The following TTN variants were observed in gnomAD, a reference collection of about 807,000 sequenced individuals.
TTN encodes the protein connectin.
TTN carries 1,525 observed loss-of-function variants against 3,223.0 expected under a neutral mutation model. The observed-to-expected ratio is 0.47, with a 90% CI of 0.45 to 0.49. The LOEUF (loss-of-function observed/expected upper bound fraction) is 0.49, where lower values mean the gene tolerates loss of function less well. TTN is among the 20% of genes least tolerant of loss of function. The pLI is 0.00. For synonymous variants in TTN, 14,094 were observed against 15,161.0 expected, an observed-to-expected ratio of 0.93 and a Z score of 5.17; for missense variants, 40,786 against 43,424.0, an observed-to-expected ratio of 0.94 and a Z score of 5.40.
chr2:178,767,844 ACTG>A lies in TTN; in HGVS notation c.9383_9385del (p.Thr3128_Val3129delinsMet). ...AGTTGACACGTTGCCTCCTGCCACC[ACTG>A]TGTACTTCCCAGCATCAGACATCCG... On this transcript the variant is annotated inframe_deletion, in exon 40 of 363. Transcript: ENST00000589042. 1 of 1,614,100 alleles carries A rather than the reference ACTG, an allele frequency of 6.2e-7. No homozygotes were observed. Among genetic ancestry groups the A allele is most frequent in the Non-Finnish European group, 8.5e-7 (1 of 1,180,016 alleles).
At position 178,549,823 on chromosome 2, in the gene TTN, A is replaced by G. The variant is rs1698609403; in HGVS notation, c.91899T>C (p.Thr30633=). 2 of 1,599,468 alleles carry G rather than the reference A, an allele frequency of 1.3e-6. No homozygotes were observed. The highest frequency in any genetic ancestry group is 1.7e-5 in the Admixed American group (1 of 58,932). The change falls in exon 338 of 363, where the codon ACT becomes ACC. Residue 30633 remains threonine, a synonymous_variant. Transcript: ENST00000589042. Reference sequence around the variant, plus strand: ...CCCACCACAGAGTCATCTTCTCCCCAGTAATATTGGTGAATCTTATTGGCC... The same window carrying G: ...CCCACCACAGAGTCATCTTCTCCCCGGTAATATTGGTGAATCTTATTGGCC... ...VVGPIRFTNI[T]GEKMTLWWDA...
Position 178,569,933 on chromosome 2 carries a change from C to G in TTN, c.76199G>C (p.Cys25400Ser), listed in dbSNP as rs397517704. The G allele has an allele frequency of 1.1e-5, 17 of 1,612,890 alleles. No individual in the cohort carries two copies. The highest frequency in any genetic ancestry group is 1.4e-5 in the Non-Finnish European group (16 of 1,179,416). Reference sequence around the variant, plus strand: ...GGGTCCTGGTTTATAAATAGGATCACAAGCCTTTTGGTAAGCAGAAGGAGG... The same window carrying G: ...GGGTCCTGGTTTATAAATAGGATCAGAAGCCTTTTGGTAAGCAGAAGGAGG... ...PSPPSAYQKA[C>S]DPIYKPGPPN... The change falls in exon 326 of 363, where the codon TGT (cysteine) becomes TCT (serine). Residue 25400 changes from cysteine (C) to serine (S), a missense_variant. Transcript: ENST00000589042.
chr2:178,638,225 C>T (rs2060744972), intron 223 of TTN, among the ~76,000 whole-genome samples: 1 of 151,510 alleles, frequency 6.6e-6, no homozygotes, highest in African/African-American at 2.4e-5. Context: ...AATTAAACTA[C>T]AGTCAAAAGA....
intron 33 of TTN, 167 bp downstream of exon 33, chr2:178,772,942 G>T: frequency 1.2e-6 from 1 of 808,388 alleles, no homozygotes; most frequent in Non-Finnish European, 1.9e-6. Flanking sequence ...AAGAACATTT[G>T]TAATTTAGGC....
Position 178,570,830 on chromosome 2 carries a change from G to A in TTN, c.75302C>T (p.Thr25101Ile), listed in dbSNP as rs1286105524. 6.2e-7 allele frequency: 1 copy of A among 1,613,482 alleles called. No individual in the cohort carries two copies. Among genetic ancestry groups the A allele is most frequent in the Non-Finnish European group, 8.5e-7 (1 of 1,179,638 alleles). ...TGGTGGATCTACCTCATCTCTAGCT[G>A]TTATTGCTCCTGTGCTTTCTGAAGG... ...SEPSESTGAI[T>I]ARDEVDPPRI... Residue 25101 changes from threonine to isoleucine, a missense_variant, in exon 326 of 363, where the codon ACA becomes ATA. Transcript: ENST00000589042.
At position 178,800,389 on chromosome 2, in the gene TTN, A is replaced by T. The variant is rs1386932855; in HGVS notation, c.583+6T>A. The T allele has an allele frequency of 5.0e-6, 8 of 1,613,962 alleles. No homozygotes were observed. Among genetic ancestry groups the T allele is most frequent in the Non-Finnish European group, 6.8e-6 (8 of 1,179,988 alleles). ...TTCTCTCTGTTCCTCAACCTCCAGC[A>T]CGTACCTTGAACCAGTAATTCAGCA... is the stretch of plus-strand genomic sequence containing the variant. On this transcript the variant is annotated splice_donor_region_variant and intron_variant, in intron 4 of 362. Coordinates refer to ENST00000589042, the MANE Select transcript of TTN (RefSeq NM_001267550.2).
chr2:178,628,956 A>G (rs990057342), intron 240 of TTN, among the ~76,000 whole-genome samples: 2 of 152,144 alleles, frequency 1.3e-5, no homozygotes, highest in Non-Finnish European at 2.9e-5. Context: ...AATGTGCACC[A>G]TGGCTGCAGA....
chr2:178,621,832 A>T lies in TTN; in HGVS notation c.45082+8T>A, dbSNP rs2058334835. 3 of 1,611,664 alleles carry T rather than the reference A, an allele frequency of 1.9e-6. No homozygotes were observed. Reference sequence around the variant, plus strand: ...CATATACTTCACAAAGAATGACTTTACTCTTACCCAGAACTGTCAGCATGC... The same window carrying T: ...CATATACTTCACAAAGAATGACTTTTCTCTTACCCAGAACTGTCAGCATGC... On this transcript the variant is annotated splice_region_variant and intron_variant, in intron 244 of 362. Coordinates refer to ENST00000589042, the MANE Select transcript of TTN (RefSeq NM_001267550.2).
At chr2:178,646,104 T>TTATATATATATA (rs71023450) in intron 216 of TTN, 74 bp from the exon 217 acceptor site, 712 of 37,884 alleles carry the variant, frequency 0.019, 105 homozygotes, top group Non-Finnish European at 0.026. Flanking sequence ...TTAATAGAAA[T>TTATATATATATA]TATATATATA....
Position 178,723,612 on chromosome 2 carries a change from G to A in TTN, c.21488C>T (p.Thr7163Ile), listed in dbSNP as rs370324138. 8 of 1,612,920 alleles carry A rather than the reference G, an allele frequency of 5.0e-6. No homozygotes were observed. In the Admixed American group the frequency reaches 1.0e-4, roughly 20 times the overall value. ...GAACCAGTTGACTTTGAATGGAGGG[G>A]TTCCTCTAATAACGCTTGTGAAGGT... ...NVTFTSVIRG[T>I]PPFKVNWFRG... The change falls in exon 74 of 363, where the codon ACC becomes ATC. Residue 7163 changes from threonine (T) to isoleucine (I), a missense_variant. Thr to Ile is a moderately conservative substitution (Grantham distance 89). Transcript: ENST00000589042.
rs752391829 is a variant in TTN at position 178,562,725 on chromosome 2, C to A, written c.83407G>T (p.Val27803Phe). 1 of 1,604,542 alleles carries A rather than the reference C, an allele frequency of 6.2e-7. No homozygotes were observed. The highest frequency in any genetic ancestry group is 1.3e-5 in the African/African-American group (1 of 74,372). Reference sequence around the variant, plus strand: ...TTTCTTGTAGTTTCTCGTTTTTCGACAATGTAGTTTGTAATCTTAGCTCCA... The same window carrying A: ...TTTCTTGTAGTTTCTCGTTTTTCGAAAATGTAGTTTGTAATCTTAGCTCCA... The part of the protein sequence containing the change: ...DGGAKITNYI[V>F]EKRETTRKAY... The change falls in exon 326 of 363, where the codon GTC becomes TTC. Residue 27803 changes from valine (V) to phenylalanine (F), a missense_variant. By Grantham distance (50) the Val-to-Phe change is conservative. Coordinates refer to ENST00000589042, the MANE Select transcript of TTN (RefSeq NM_001267550.2).
intron 11 of TTN, 125 bp downstream of exon 11, chr2:178,790,583 T>C (rs1310802945): frequency 1.3e-6 from 2 of 1,494,880 alleles, no homozygotes; most frequent in East Asian, 4.5e-5. Context: ...AAAAGAAATT[T>C]TCTATTTGCA....
intron 130 of TTN, 55 bp downstream of exon 130, chr2:178,684,851 A>T: frequency 6.5e-7 from 1 of 1,544,384 alleles, no homozygotes; most frequent in Non-Finnish European, 8.8e-7. Flanking sequence ...TGAAGAATGT[A>T]TCAATTTAAG....
At chr2:178,604,352 T>C in intron 281 of TTN, 47 bp from the exon 282 acceptor site, 2 of 1,367,032 alleles carry the variant, frequency 1.5e-6, no homozygotes, top group Non-Finnish European at 1.9e-6. Context: ...TATACTTATG[T>C]TGGTTTTCAC....
At chr2:178,764,345 T>C (rs372987517) in intron 42 of TTN, 43 bp from the exon 43 acceptor site, 17 of 1,613,020 alleles carry the variant, frequency 1.1e-5, no homozygotes, top group Admixed American at 6.7e-5. Flanking sequence ...TAAGTCACCA[T>C]AGAGACCTCA....
At chr2:178,778,780 C>A in intron 24 of TTN, 94 bp downstream of exon 24, 2 of 1,562,278 alleles carry the variant, frequency 1.3e-6, no homozygotes, top group South Asian at 2.3e-5. Context: ...CATTTTAGCC[C>A]TCGATTTTCT....
rs989376303 is a variant in TTN, at chr2:178,567,283, T to C, written c.78849A>G (p.Val26283=). ...CTTCTGGAGGTCCTGGTCTATCTAA[T>C]ACTTTTACATTTACTGGGAATGACT... is the stretch of plus-strand genomic sequence containing the variant. ...GSKSFPVNVK[V]LDRPGPPEGP... is the part of the protein sequence containing the mutation. Residue 26283 remains valine (V), a synonymous_variant, in exon 326 of 363, where the codon GTA becomes GTG. Coordinates refer to ENST00000589042, the MANE Select transcript of TTN (RefSeq NM_001267550.2). 4 of 1,606,812 alleles carry C rather than the reference T, an allele frequency of 2.5e-6. No homozygotes were observed. In the African/African-American group the frequency reaches 4.0e-5, roughly 16 times the overall value.
Position 178,739,918 on chromosome 2 carries a change from T to A in TTN, c.13315A>T (p.Ile4439Phe), listed in dbSNP as rs2082193825. The A allele has an allele frequency of 6.2e-7, 1 of 1,613,894 alleles. No individual in the cohort carries two copies. Among genetic ancestry groups the A allele is most frequent in the Non-Finnish European group, 8.5e-7 (1 of 1,179,830 alleles). Residue 4439 changes from isoleucine (I) to phenylalanine (F), a missense_variant, in exon 48 of 363, where the codon ATC becomes TTC. Coordinates refer to ENST00000589042, the MANE Select transcript of TTN (RefSeq NM_001267550.2). ...GAAGTAACAAGGTACATGCACATGA[T>A]GTGTCTGGGCTCTTGGGTGATGTTT... ...AVNITQEPRH[I>F]MCMYLVTSAK...
chr2:178,675,936 C>T lies in TTN; in HGVS notation c.34438G>A (p.Ala11480Thr), dbSNP rs767925374. 2 of 1,607,800 alleles carry T rather than the reference C, an allele frequency of 1.2e-6. No homozygotes were observed. Among genetic ancestry groups the T allele is most frequent in the East Asian group, 4.5e-5 (2 of 44,780 alleles). Reference protein sequence around the residue: ...KKVVIPKKEEAPPAKVSVVPK... With the variant: ...KKVVIPKKEETPPAKVSVVPK... Reference sequence around the variant, plus strand: ...ATAGCAATACCTTTGGCAGGGGGAGCCTCCTCTTTCTTGGGAATGACCACT... The same window carrying T: ...ATAGCAATACCTTTGGCAGGGGGAGTCTCCTCTTTCTTGGGAATGACCACT... The change falls in exon 148 of 363, where the codon GCT becomes ACT. Residue 11480 changes from alanine (A) to threonine (T), a missense_variant. Transcript: ENST00000589042.
Sources: allele counts gnomAD v4.1 joint callset (sites outside exome capture counted in the v4.1 genomes callset), GRCh38; gene constraint gnomAD v4.1.1; transcripts MANE v1.5; gene names NCBI Gene and HGNC (gene_info 2026-07-23, HGNC 2026-07-21).